Variants in PCDHGB4 observed in about 807,000 individuals in gnomAD.
PCDHGB4 encodes protocadherin gamma subfamily B, 4, also known as protocadherin gamma-B4.
PCDHGB4 carries 38 observed loss-of-function variants against 60.5 expected under a neutral mutation model. That is an observed-to-expected ratio of 0.63 (90% CI 0.48 to 0.82). PCDHGB4 has a LOEUF of 0.82. Among genes scored for constraint, PCDHGB4 ranks in the 40% least tolerant of loss-of-function variants. The pLI, the probability that PCDHGB4 is intolerant of heterozygous loss-of-function variation, is 0.00. For synonymous variants in PCDHGB4, 456 were observed against 509.7 expected (o/e 0.89, Z 1.42); for missense variants, 1,109 against 1,209.6 (o/e 0.92, Z 1.23).
At chr5:141,420,417 A>C (rs112493756) in intron 1 of PCDHGB4, 20 of 1,211,742 alleles carry the variant, frequency 1.7e-5, no homozygotes, top group Admixed American at 1.1e-4. Flanking sequence ...ATCATTATTA[A>C]AACAAAAGTT....
In PCDHGB4 at chr5:141,389,993, G is replaced by T; in HGVS notation, c.2109G>T (p.Val703=). The T allele has an allele frequency of 6.2e-7, 1 of 1,614,016 alleles. No individual in the cohort carries two copies. The highest frequency in any genetic ancestry group is 8.5e-7 in the Non-Finnish European group (1 of 1,179,892). ...CCTTGATCTCAGTGCTCTTCCTCGT[G>T]GCCATGATTCTGGCCATTGCCTTGC... ...ALALISVLFL[V]AMILAIALRL... is the part of the protein sequence containing the mutation. The change falls in exon 1 of 4, where the codon GTG becomes GTT. Residue 703 remains valine, a synonymous_variant. Coordinates refer to ENST00000519479, the MANE Select transcript of PCDHGB4 (RefSeq NM_003736.4).
In PCDHGB4 at chr5:141,432,536, G is replaced by A. The variant is rs767744134; in HGVS notation, c.2397+42255G>A. 6.2e-7 allele frequency: 1 copy of A among 1,614,050 alleles called. No individual in the cohort carries two copies. Among genetic ancestry groups the A allele is most frequent in the Non-Finnish European group, 8.5e-7 (1 of 1,180,006 alleles). On this transcript the variant is annotated intron_variant, in intron 1 of 3. Coordinates refer to ENST00000519479, the MANE Select transcript of PCDHGB4 (RefSeq NM_003736.4). This position sits in a 1 kb window ranked among gnomAD's most constrained non-coding sequence, Gnocchi z 6.0. ...CGGCTACCTGGTGACCAAGGTGGTG[G>A]CGGTGGACAGAGACTCCGGCCAGAA...
At position 141,487,667 on chromosome 5, in the gene PCDHGB4, ATATGGCTAGGCCATG is replaced by A; in HGVS notation, c.2398-7138_2398-7124del. 1.9e-6 allele frequency: 3 copies of A among 1,612,782 alleles called. No individual in the cohort carries two copies. In the South Asian group the frequency reaches 3.3e-5, roughly 18 times the overall value. ...GCTTGAGGGTTATTCTGATCCAGGC[ATATGGCTAGGCCATG>A]TCCTAGAGAGTACTGGCCTCTCAGT... On this transcript the variant is annotated intron_variant, in intron 1 of 3. Transcript: ENST00000519479. The surrounding 1 kb of genome is among the most constrained non-coding windows in gnomAD (Gnocchi z 5.0).
intron 1 of PCDHGB4, among the ~76,000 whole-genome samples, chr5:141,462,819 A>G (rs1182498111): frequency 6.6e-6 from 1 of 152,210 alleles, no homozygotes; most frequent in East Asian, 1.9e-4. Context: ...TTTATTGGAC[A>G]GCAGACATTG....
intron 1 of PCDHGB4, among the ~76,000 whole-genome samples, chr5:141,456,845 C>T (rs1308477735): frequency 6.6e-6 from 1 of 152,092 alleles, no homozygotes; most frequent in African/African-American, 2.4e-5. Context: ...CGCCTGTAAT[C>T]CCAGCTAATT....
At position 141,477,592 on chromosome 5, in the gene PCDHGB4, T is replaced by G; in HGVS notation, c.2398-17215T>G. On this transcript the variant is annotated intron_variant, in intron 1 of 3. Coordinates refer to ENST00000519479, the MANE Select transcript of PCDHGB4 (RefSeq NM_003736.4). The surrounding 1 kb of genome is among the most constrained non-coding windows in gnomAD (Gnocchi z 4.9). ...CCGACGCCCCGCAGAATGCTCGGCT[T>G]TCTTTCTTTCTCTTGGAGCAAGGAG... The G allele has an allele frequency of 6.2e-7, 1 of 1,614,142 alleles. No homozygotes were observed. Among genetic ancestry groups the G allele is most frequent in the Non-Finnish European group, 8.5e-7 (1 of 1,180,014 alleles).
At position 141,476,602 on chromosome 5, in the gene PCDHGB4, C is replaced by T; in HGVS notation, c.2398-18205C>T. 6.2e-7 allele frequency: 1 copy of T among 1,614,208 alleles called. No homozygotes were observed. Among genetic ancestry groups the T allele is most frequent in the Middle Eastern group, 1.6e-4 (1 of 6,062 alleles). Reference sequence around the variant, plus strand: ...TTCCGCTCGAGAGCGCGCACGATCCCGATGTGGGAAGCAACTCTTTACAAA... The same window carrying T: ...TTCCGCTCGAGAGCGCGCACGATCCTGATGTGGGAAGCAACTCTTTACAAA... On this transcript the variant is annotated intron_variant, in intron 1 of 3. Coordinates refer to ENST00000519479, the MANE Select transcript of PCDHGB4 (RefSeq NM_003736.4). The surrounding 1 kb of genome is among the most constrained non-coding windows in gnomAD (Gnocchi z 7.6).
rs1472806327 is a variant in PCDHGB4 at position 141,447,891 on chromosome 5, G to C, written c.2398-46916G>C. Among the ~76,000 whole-genome samples the C allele has an allele frequency of 1.3e-5, 2 of 152,080 alleles. 1 individual carries two copies. Among genetic ancestry groups the C allele is most frequent in the African/African-American group, 4.8e-5 (2 of 41,408 alleles). On this transcript the variant is annotated intron_variant, in intron 1 of 3. Coordinates refer to ENST00000519479, the MANE Select transcript of PCDHGB4 (RefSeq NM_003736.4). Reference sequence around the variant, plus strand: ...ATCTGAGGTCAGGAGTTCGAGACCAGCCTGGCCAACATGGTGAAACTCTGT... The same window carrying C: ...ATCTGAGGTCAGGAGTTCGAGACCACCCTGGCCAACATGGTGAAACTCTGT...
intron 1 of PCDHGB4, chr5:141,405,392 T>C: frequency 6.3e-7 from 1 of 1,596,104 alleles, no homozygotes; most frequent in Non-Finnish European, 8.5e-7. Flanking sequence ...TTCATTTTTT[T>C]TCTTTCTTTC....
chr5:141,397,332 A>G (rs1246653356), intron 1 of PCDHGB4, among the ~76,000 whole-genome samples: 1 of 152,234 alleles, frequency 6.6e-6, no homozygotes, highest in Non-Finnish European at 1.5e-5. Flanking sequence ...AATTATTTTT[A>G]TAAAGAATGT....
Position 141,400,134 on chromosome 5 carries a change from G to A in PCDHGB4, c.2397+9853G>A, listed in dbSNP as rs373375631. The A allele has an allele frequency of 6.8e-6, 11 of 1,613,954 alleles. No homozygotes were observed. In the African/African-American group the frequency reaches 9.3e-5, roughly 14 times the overall value. Reference sequence around the variant, plus strand: ...CTGACAGCTTGCAGGAGGTGCTGCCGGATATCACTGACCGCCCTGTACCCT... The same window carrying A: ...CTGACAGCTTGCAGGAGGTGCTGCCAGATATCACTGACCGCCCTGTACCCT... On this transcript the variant is annotated intron_variant, in intron 1 of 3. Coordinates refer to ENST00000519479, the MANE Select transcript of PCDHGB4 (RefSeq NM_003736.4).
chr5:141,394,463 G>A (rs1244366845), intron 1 of PCDHGB4: 2 of 1,614,248 alleles, frequency 1.2e-6, no homozygotes, highest in South Asian at 2.2e-5. Flanking sequence ...CACTGAGCCT[G>A]TTCGTGCTGG....
At position 141,493,323 on chromosome 5, in the gene PCDHGB4, C is replaced by T. The variant is rs542332335; in HGVS notation, c.2398-1484C>T. Among the ~76,000 whole-genome samples the T allele has an allele frequency of 6.6e-6, 1 of 152,294 alleles. No homozygotes were observed. The highest frequency in any genetic ancestry group is 6.5e-5 in the Admixed American group (1 of 15,300). On this transcript the variant is annotated intron_variant, in intron 1 of 3. Transcript: ENST00000519479. The surrounding 1 kb of genome is among the most constrained non-coding windows in gnomAD (Gnocchi z 4.3). ...AGAGCAAGTAAGAGAGATTCTAACC[C>T]CTGTCTAACTCCAGAATGTGTGCTT...
chr5:141,409,443 A>C (rs1276603306), intron 1 of PCDHGB4: 1 of 1,614,014 alleles, frequency 6.2e-7, no homozygotes, highest in East Asian at 2.2e-5. Context: ...GACCGAGAGC[A>C]GACACCAGAA....
In PCDHGB4 at chr5:141,502,614, T is replaced by C. The variant is rs534996288; in HGVS notation, c.2457-2779T>C. Among the ~76,000 whole-genome samples the C allele has an allele frequency of 7.2e-5, 11 of 152,316 alleles. No homozygotes were observed. In the East Asian group the frequency reaches 1.7e-3, roughly 24 times the overall value. ...AGATATTTTAAAATATTTGTGAAAATATAAGTAATCTGTGGATGATACTTT... is the reference window on the plus strand; with the variant it reads ...AGATATTTTAAAATATTTGTGAAAACATAAGTAATCTGTGGATGATACTTT... On this transcript the variant is annotated intron_variant, in intron 2 of 3. Transcript: ENST00000519479.
Position 141,489,268 on chromosome 5 carries a change from G to T in PCDHGB4, c.2398-5539G>T. On this transcript the variant is annotated intron_variant, in intron 1 of 3. Transcript: ENST00000519479. This position sits in a 1 kb window ranked among gnomAD's most constrained non-coding sequence, Gnocchi z 4.5. The stretch of plus-strand genomic sequence containing the variant: ...GGGGCCCAAGACACTCCCACAGCTC[G>T]CTGGGAAATGGCAAGTGCTGTGCAT... The T allele has an allele frequency of 3.9e-6, 6 of 1,553,284 alleles. No homozygotes were observed. The South Asian group carries it at 5.0e-5, about 13-fold the overall frequency.
At position 141,477,112 on chromosome 5, in the gene PCDHGB4, A is replaced by C. The variant is rs745449028; in HGVS notation, c.2398-17695A>C. The C allele has an allele frequency of 2.5e-6, 4 of 1,614,262 alleles. No homozygotes were observed. The South Asian group carries it at 4.4e-5, about 18-fold the overall frequency. Reference sequence around the variant, plus strand: ...CCAAAGACAAGGGCGCCAATCCCGAAGGAGCACATTGCAAAGTGTTGGTGG... The same window carrying C: ...CCAAAGACAAGGGCGCCAATCCCGACGGAGCACATTGCAAAGTGTTGGTGG... On this transcript the variant is annotated intron_variant, in intron 1 of 3. Transcript: ENST00000519479. This position sits in a 1 kb window ranked among gnomAD's most constrained non-coding sequence, Gnocchi z 4.9.
chr5:141,400,147 C>T lies in PCDHGB4; in HGVS notation c.2397+9866C>T, dbSNP rs751998425. ...GGAGGTGCTGCCGGATATCACTGAC[C>T]GCCCTGTACCCTCTGACCCCCAGGC... On this transcript the variant is annotated intron_variant, in intron 1 of 3. Coordinates refer to ENST00000519479, the MANE Select transcript of PCDHGB4 (RefSeq NM_003736.4). 3.7e-6 allele frequency: 6 copies of T among 1,614,074 alleles called. No homozygotes were observed. In the East Asian group the frequency reaches 1.1e-4, roughly 30 times the overall value.
Position 141,454,887 on chromosome 5 carries a change from T to C in PCDHGB4, c.2398-39920T>C, listed in dbSNP as rs1291501766. Among the ~76,000 whole-genome samples, 3 of 138,310 alleles carry C rather than the reference T, an allele frequency of 2.2e-5. No homozygotes were observed. The Admixed American group carries it at 2.3e-4, about 11-fold the overall frequency. 90.7% of individuals were successfully genotyped at this position (138,310 alleles called of 152,430 possible). A position where few individuals can be genotyped will look rare whatever the true frequency, so the allele number is the denominator to read the frequency against. ...CAGTGGCACGATCTTGGCTCACTGC[T>C]AGCACCGCCTCCCGGGTTCACGCCA... On this transcript the variant is annotated intron_variant, in intron 1 of 3. Coordinates refer to ENST00000519479, the MANE Select transcript of PCDHGB4 (RefSeq NM_003736.4).
Sources: allele counts gnomAD v4.1 joint callset (sites outside exome capture counted in the v4.1 genomes callset), GRCh38; gene constraint gnomAD v4.1.1; non-coding constraint Gnocchi (gnomAD v3.1); transcripts MANE v1.5; gene names NCBI Gene and HGNC (gene_info 2026-07-23, HGNC 2026-07-21).